RXFP1: variants seen among roughly 807,000 people sequenced by gnomAD.
RXFP1 encodes relaxin receptor 1.
Under a neutral mutation model 89.8 loss-of-function variants are expected in RXFP1, and 73 were observed. That is an observed-to-expected ratio of 0.81 (90% CI 0.67 to 0.99). The LOEUF (loss-of-function observed/expected upper bound fraction) is 0.99, where lower values mean the gene tolerates loss of function less well. Among genes scored for constraint, RXFP1 ranks in the 50% least tolerant of loss-of-function variants. The probability of loss-of-function intolerance (pLI) is 0.00; values close to 1 mark genes in which losing one functional copy is unlikely to be tolerated. For synonymous variants in RXFP1, 277 were observed against 305.5 expected (o/e 0.91, Z 0.97); for missense variants, 793 against 895.5 (o/e 0.89, Z 1.46).
At chr4:158,568,028 T>C (rs115336320) in intron 1 of RXFP1, among the ~76,000 whole-genome samples, 3,733 of 152,256 alleles carry the variant, frequency 0.025, 59 homozygotes, top group South Asian at 0.065. Context: ...CCTGAAGCCA[T>C]CAAGACCACG....
chr4:158,631,597 T>C (rs1260494076), intron 11 of RXFP1, among the ~76,000 whole-genome samples: 1 of 152,098 alleles, frequency 6.6e-6, no homozygotes, highest in African/African-American at 2.4e-5. Context: ...ACACTTAACC[T>C]CCCTGGGCTC....
intron 2 of RXFP1, among the ~76,000 whole-genome samples, chr4:158,583,056 G>A (rs901981845): frequency 3.3e-5 from 5 of 152,180 alleles, no homozygotes; most frequent in Admixed American, 2.6e-4. Context: ...ATAGGAAAAG[G>A]AGCAGAAAGT....
At position 158,651,908 on chromosome 4, in the gene RXFP1, T is replaced by C; in HGVS notation, c.2127T>C (p.Gly709=). Residue 709 remains glycine, a synonymous_variant, in exon 18 of 18, where the codon GGT becomes GGC. Coordinates refer to ENST00000307765, the MANE Select transcript of RXFP1 (RefSeq NM_021634.4). ...YRQRKSMDSK[G]QKTYAPSFIW... ...AAAGAAAATCTATGGACAGCAAAGG[T>C]CAGAAAACATATGCTCCATCATTCA... The C allele has an allele frequency of 6.2e-7, 1 of 1,614,110 alleles. No homozygotes were observed. Among genetic ancestry groups the C allele is most frequent in the Non-Finnish European group, 8.5e-7 (1 of 1,180,018 alleles).
At chr4:158,569,097 T>C (rs1754480033) in intron 1 of RXFP1, among the ~76,000 whole-genome samples, 1 of 152,230 alleles carries the variant, frequency 6.6e-6, no homozygotes, top group Admixed American at 6.5e-5. Context: ...CACAAAAACC[T>C]GCACACAGGT....
chr4:158,543,628 C>A, intron 1 of RXFP1: 1 of 387,894 alleles, frequency 2.6e-6, no homozygotes, highest in Non-Finnish European at 3.5e-6. Context: ...CTGAGCCCTC[C>A]CAGTCAGTAT....
intron 2 of RXFP1, among the ~76,000 whole-genome samples, chr4:158,575,067 G>A (rs1755922726): frequency 6.6e-6 from 1 of 152,172 alleles, no homozygotes; most frequent in Non-Finnish European, 1.5e-5. Flanking sequence ...GCTGGAAGCA[G>A]GAAAGGAACG....
At chr4:158,647,280 G>A (rs1416724006) in intron 16 of RXFP1, 79 bp downstream of exon 16, 1 of 1,141,864 alleles carries the variant, frequency 8.8e-7, no homozygotes, top group African/African-American at 1.6e-5. Flanking sequence ...GAATGAGGGT[G>A]AATTCTATCA....
intron 14 of RXFP1, among the ~76,000 whole-genome samples, chr4:158,640,079 A>C (rs1011555026): frequency 1.3e-5 from 2 of 152,192 alleles, no homozygotes; most frequent in African/African-American, 4.8e-5. Context: ...TTGTTACAGC[A>C]GCCAAGTGGA....
chr4:158,620,912 G>A (rs1580130205), intron 9 of RXFP1, among the ~76,000 whole-genome samples: 1 of 152,182 alleles, frequency 6.6e-6, no homozygotes, highest in Non-Finnish European at 1.5e-5. Flanking sequence ...CTTGAGCTCA[G>A]GAGTTTGAGA....
At chr4:158,623,177 A>C (rs1475679306) in intron 9 of RXFP1, among the ~76,000 whole-genome samples, 1 of 152,074 alleles carries the variant, frequency 6.6e-6, no homozygotes, top group Non-Finnish European at 1.5e-5. Flanking sequence ...ACAAAAGAAA[A>C]TGTAGACATA....
At chr4:158,590,267 C>T (rs764707809) in intron 2 of RXFP1, among the ~76,000 whole-genome samples, 13 of 152,082 alleles carry the variant, frequency 8.5e-5, no homozygotes, top group African/African-American at 2.9e-4. Flanking sequence ...CAAGTTCAAG[C>T]GATTCTCACG....
In RXFP1 at chr4:158,543,913, A is replaced by G. The variant is rs920946788; in HGVS notation, c.49+21888A>G. The G allele has an allele frequency of 8.1e-6, 8 of 985,316 alleles. No homozygotes were observed. The African/African-American group carries it at 1.0e-4, about 13-fold the overall frequency. 61.0% of individuals were successfully genotyped at this position (985,316 alleles called of 1,614,324 possible). The stretch of plus-strand genomic sequence containing the variant: ...ACATTCAAGAATAAAGCAAAACTCT[A>G]CTGAATATCGATATAGTAGTATCTG... On this transcript the variant is annotated intron_variant, in intron 1 of 17. Transcript: ENST00000307765.
chr4:158,628,703 A>G lies in RXFP1; in HGVS notation c.893A>G (p.Asp298Gly). The change falls in exon 11 of 18, where the codon GAT (aspartate) becomes GGT (glycine). Residue 298 changes from aspartate to glycine, a missense_variant. Asp to Gly is a moderately conservative substitution (Grantham distance 94, BLOSUM62 -1). Coordinates refer to ENST00000307765, the MANE Select transcript of RXFP1 (RefSeq NM_021634.4). ...ACTTTTGCACCTCTCCAGAAACTGG[A>G]TGAATTGTAAGTATGACTGAACATA... ...ENTFAPLQKL[D>G]ELDLGSNKIE... 1 of 1,561,936 alleles carries G rather than the reference A, an allele frequency of 6.4e-7. No homozygotes were observed. The highest frequency in any genetic ancestry group is 8.8e-7 in the Non-Finnish European group (1 of 1,136,234).
At chr4:158,556,061 A>G (rs1278668568) in intron 1 of RXFP1, among the ~76,000 whole-genome samples, 3 of 152,188 alleles carry the variant, frequency 2.0e-5, no homozygotes, top group South Asian at 4.1e-4. Context: ...ACAGGCAACA[A>G]AAGCAAAAAT....
Position 158,572,802 on chromosome 4 carries a change from G to C in RXFP1, c.154G>C (p.Asp52His), listed in dbSNP as rs753574783. The part of the protein sequence containing the change: ...PQLLHCNGVD[D>H]CGNQADEDNC... The stretch of plus-strand genomic sequence containing the variant: ...GCTCCTGCACTGTAACGGTGTGGAC[G>C]ACTGCGGGAATCAGGCCGATGAGGA... Residue 52 changes from aspartate to histidine, a missense_variant, in exon 2 of 18, where the codon GAC (aspartate) becomes CAC (histidine). Transcript: ENST00000307765. 1.6e-5 allele frequency: 26 copies of C among 1,614,144 alleles called. No individual in the cohort carries two copies. Among genetic ancestry groups the C allele is most frequent in the Non-Finnish European group, 1.9e-5 (23 of 1,180,044 alleles).
At chr4:158,621,853 C>A (rs547216484) in intron 9 of RXFP1, among the ~76,000 whole-genome samples, 1 of 152,332 alleles carries the variant, frequency 6.6e-6, no homozygotes, top group Non-Finnish European at 1.5e-5. Context: ...CAAATCAAAA[C>A]CACAATGAGG....
At chr4:158,605,459 TC>T in intron 5 of RXFP1, among the ~76,000 whole-genome samples, 1 of 152,200 alleles carries the variant, frequency 6.6e-6, no homozygotes, top group African/African-American at 2.4e-5. Flanking sequence ...ATGGAATACC[TC>T]AATGCTCATC....
intron 14 of RXFP1, among the ~76,000 whole-genome samples, chr4:158,644,103 G>A (rs1771006595): frequency 1.4e-5 from 2 of 147,318 alleles, no homozygotes; most frequent in African/African-American, 2.6e-5. Context: ...CTGGAGTGCA[G>A]TGGCACGATC....
intron 1 of RXFP1, among the ~76,000 whole-genome samples, chr4:158,539,831 T>C (rs1413303325): frequency 6.6e-6 from 1 of 152,192 alleles, no homozygotes; most frequent in Non-Finnish European, 1.5e-5. Context: ...CTAAATGCCT[T>C]TGAAATTGTC....
Sources: gnomAD v4.1 joint callset for allele counts (sites outside exome capture counted in the v4.1 genomes callset) on GRCh38, gnomAD v4.1.1 for gene constraint, MANE v1.5 for transcripts, NCBI Gene and HGNC (gene_info 2026-07-23, HGNC 2026-07-21) for gene names.